NHERF1: variants seen among roughly 807,000 people sequenced by gnomAD.
NHERF1 encodes the protein Na(+)/H(+) exchange regulatory cofactor NHE-RF1.
At chr17:74,762,256 TGGGCTTGATTAGCCCAC>T in the NHERF1 span, 2 of 1,261,478 alleles carry the variant, frequency 1.6e-6, no homozygotes, top group Admixed American at 3.9e-5. This position sits in a 1 kb window ranked among gnomAD's most constrained non-coding sequence, Gnocchi z 4.2. Flanking sequence ...CATACCATCA[TGGGCTTGATTAGCCCAC>T]GGGCATAGCC....
At chr17:74,761,186 A>G in the NHERF1 span, among the ~76,000 whole-genome samples, 1 of 151,850 alleles carries the variant, frequency 6.6e-6, no homozygotes, top group Non-Finnish European at 1.5e-5. This position sits in a 1 kb window ranked among gnomAD's most constrained non-coding sequence, Gnocchi z 4.3. Context: ...AGTAGGTCAC[A>G]CCCTCCAGGC....
the NHERF1 span, chr17:74,763,370 A>T: frequency 6.2e-7 from 1 of 1,613,296 alleles, no homozygotes; most frequent in East Asian, 2.2e-5. Context: ...CCTGCAGGTG[A>T]ACGGGGTCTG....
At chr17:74,749,354 C>T in the NHERF1 span, 1 of 1,391,084 alleles carries the variant, frequency 7.2e-7, no homozygotes, top group Non-Finnish European at 9.5e-7. This position sits in a 1 kb window ranked among gnomAD's most constrained non-coding sequence, Gnocchi z 5.6. Context: ...ACCCAGGTGC[C>T]CCGGCCGTCC....
the NHERF1 span, chr17:74,763,303 C>G: frequency 1.9e-6 from 3 of 1,544,286 alleles, no homozygotes; most frequent in Non-Finnish European, 2.6e-6. Context: ...CCCAACCCCC[C>G]TCCACTTACC....
the NHERF1 span, chr17:74,768,620 C>G: frequency 2.7e-5 from 43 of 1,614,014 alleles, no homozygotes; most frequent in Non-Finnish European, 2.2e-5. Context: ...CGCAGATGGA[C>G]TGGAGCAAGA....
chr17:74,754,645 A>G, the NHERF1 span, among the ~76,000 whole-genome samples: 4 of 151,488 alleles, frequency 2.6e-5, no homozygotes, highest in African/African-American at 7.3e-5. Context: ...CACCCTGCTA[A>G]TTTTTGTATT....
the NHERF1 span, among the ~76,000 whole-genome samples, chr17:74,766,684 G>C: frequency 6.6e-6 from 1 of 152,124 alleles, no homozygotes; most frequent in Non-Finnish European, 1.5e-5. Context: ...GGGAGGCCAA[G>C]GTGGAAGGAT....
chr17:74,753,082 AG>A, the NHERF1 span, among the ~76,000 whole-genome samples: 2 of 152,180 alleles, frequency 1.3e-5, no homozygotes, highest in Non-Finnish European at 2.9e-5. Flanking sequence ...GAAAGCCAAA[AG>A]TCCAGGCTTT....
chr17:74,758,344 C>G, the NHERF1 span, among the ~76,000 whole-genome samples: 2 of 152,140 alleles, frequency 1.3e-5, no homozygotes, highest in African/African-American at 2.4e-5. This position sits in a 1 kb window ranked among gnomAD's most constrained non-coding sequence, Gnocchi z 4.3. Context: ...GAGGAGGCCC[C>G]GGGAGAAGGG....
At chr17:74,768,778 CA>C in the NHERF1 span, 1 of 812,230 alleles carries the variant, frequency 1.2e-6, no homozygotes, top group Non-Finnish European at 2.0e-6. Context: ...CCTTTCTTGA[CA>C]AATGATTTTT....
the NHERF1 span, chr17:74,768,672 C>A: frequency 6.2e-7 from 1 of 1,611,320 alleles, no homozygotes; most frequent in Non-Finnish European, 8.5e-7. Flanking sequence ...CTGCTGCCAC[C>A]CAGTGACTGG....
the NHERF1 span, among the ~76,000 whole-genome samples, chr17:74,762,391 C>T: frequency 6.6e-6 from 1 of 152,094 alleles, no homozygotes; most frequent in African/African-American, 2.4e-5. The surrounding 1 kb of genome is among the most constrained non-coding windows in gnomAD (Gnocchi z 4.2). Flanking sequence ...TCTCTTACCT[C>T]CACTCCCCTG....
At chr17:74,749,589 C>T in the NHERF1 span, among the ~76,000 whole-genome samples, 1 of 152,312 alleles carries the variant, frequency 6.6e-6, no homozygotes, top group African/African-American at 2.4e-5. This position sits in a 1 kb window ranked among gnomAD's most constrained non-coding sequence, Gnocchi z 5.6. Flanking sequence ...CCCCTTCCCT[C>T]GGGTCTGTGG....
the NHERF1 span, among the ~76,000 whole-genome samples, chr17:74,766,454 C>T: frequency 2.0e-5 from 3 of 152,108 alleles, no homozygotes; most frequent in African/African-American, 7.2e-5. Flanking sequence ...CCAGGTGCCT[C>T]GGCCTCCCAA....
the NHERF1 span, chr17:74,767,975 A>C: frequency 8.4e-6 from 6 of 717,720 alleles, no homozygotes; most frequent in South Asian, 4.3e-5. Flanking sequence ...CCCCAAAGGA[A>C]TGTAAAAAGG....
chr17:74,755,067 C>A, the NHERF1 span, among the ~76,000 whole-genome samples: 12 of 152,316 alleles, frequency 7.9e-5, no homozygotes, highest in African/African-American at 2.6e-4. Context: ...GGAACCCAAC[C>A]CTCTGACTCT....
the NHERF1 span, among the ~76,000 whole-genome samples, chr17:74,759,897 C>T: frequency 6.6e-6 from 1 of 152,156 alleles, no homozygotes; most frequent in Non-Finnish European, 1.5e-5. Flanking sequence ...CCTCAGTTTC[C>T]CCATCTCAAA....
chr17:74,763,273 C>T, the NHERF1 span: 1 of 1,266,138 alleles, frequency 7.9e-7, no homozygotes, highest in Non-Finnish European at 1.1e-6. Context: ...TGGCTGAGAA[C>T]CAAGGTGGTC....
At chr17:74,763,782 C>A in the NHERF1 span, among the ~76,000 whole-genome samples, 1 of 152,334 alleles carries the variant, frequency 6.6e-6, no homozygotes, top group Admixed American at 6.5e-5. Context: ...GACAGATCTT[C>A]TTATTCCCGG....
Sources: allele counts gnomAD v4.1 joint callset (sites outside exome capture counted in the v4.1 genomes callset), GRCh38; gene constraint gnomAD v4.1.1; non-coding constraint Gnocchi (gnomAD v3.1); transcripts MANE v1.5; gene names NCBI Gene and HGNC (gene_info 2026-07-23, HGNC 2026-07-21).